The following PTPRN2 variants were observed in gnomAD, a reference collection of about 807,000 sequenced individuals.
PTPRN2 encodes receptor-type tyrosine-protein phosphatase N2.
Under a neutral mutation model 118.8 loss-of-function variants are expected in PTPRN2, and 74 were observed. That is an observed-to-expected ratio of 0.62 (90% CI 0.52 to 0.76). The LOEUF (loss-of-function observed/expected upper bound fraction) is 0.76. Ranked by LOEUF, PTPRN2 falls within the 30% of genes least tolerant of loss-of-function variation. PTPRN2 has a pLI of 0.00. For synonymous variants in PTPRN2, 641 were observed against 608.0 expected, an observed-to-expected ratio of 1.05 and a Z score of -0.80; for missense variants, 1,481 against 1,394.4, an observed-to-expected ratio of 1.06 and a Z score of -0.99.
intron 12 of PTPRN2, among the ~76,000 whole-genome samples, chr7:157,835,558 C>G (rs114087977): frequency 0.019 from 2,875 of 152,126 alleles, 79 homozygotes; most frequent in African/African-American, 0.064. Context: ...GGAGAGTTTG[C>G]AAGAAGAAGC....
At chr7:158,383,878 T>G (rs1286815750) in intron 2 of PTPRN2, among the ~76,000 whole-genome samples, 2 of 152,216 alleles carry the variant, frequency 1.3e-5, no homozygotes, top group African/African-American at 4.8e-5. Flanking sequence ...ATAACGTCAT[T>G]AGTATTTTAA....
chr7:158,292,150 G>C (rs1364074545), intron 3 of PTPRN2, among the ~76,000 whole-genome samples: 1 of 152,132 alleles, frequency 6.6e-6, no homozygotes, highest in African/African-American at 2.4e-5. Context: ...AGGGTTTTCT[G>C]TGCTGCCATC....
intron 2 of PTPRN2, among the ~76,000 whole-genome samples, chr7:158,389,172 GAGGC>G (rs1811733008): frequency 6.6e-6 from 1 of 152,258 alleles, no homozygotes; most frequent in South Asian, 2.1e-4. Context: ...CCCTCGGCAG[GAGGC>G]AGGTGCGGCC....
intron 12 of PTPRN2, among the ~76,000 whole-genome samples, chr7:157,745,516 C>G (rs1018706515): frequency 2.0e-5 from 3 of 151,240 alleles, no homozygotes; most frequent in Non-Finnish European, 3.0e-5. Context: ...GCAGGCTGCA[C>G]AATGCTGGGC....
intron 12 of PTPRN2, among the ~76,000 whole-genome samples, chr7:157,702,340 C>T (rs1016953215): frequency 6.6e-5 from 10 of 151,974 alleles, no homozygotes; most frequent in Admixed American, 3.3e-4. Context: ...AAAGCCCGGT[C>T]GGTGCTGGTG....
At chr7:157,815,462 G>A (rs997419617) in intron 12 of PTPRN2, among the ~76,000 whole-genome samples, 5 of 152,236 alleles carry the variant, frequency 3.3e-5, no homozygotes, top group Admixed American at 2.0e-4. Context: ...CACCGCTGCC[G>A]AGGTGGGAAA....
chr7:158,000,138 TG>T (rs1418575207), intron 11 of PTPRN2, among the ~76,000 whole-genome samples: 2 of 152,150 alleles, frequency 1.3e-5, no homozygotes, highest in Non-Finnish European at 2.9e-5. Context: ...CCACCCGCCT[TG>T]GCCTCCCGAA....
At chr7:158,230,633 G>C (rs1195881878) in intron 3 of PTPRN2, among the ~76,000 whole-genome samples, 1 of 151,130 alleles carries the variant, frequency 6.6e-6, no homozygotes, top group African/African-American at 2.4e-5. Flanking sequence ...TTTTTTATAA[G>C]TCTCATGGCA....
At chr7:158,324,454 C>T (rs1327190769) in intron 2 of PTPRN2, among the ~76,000 whole-genome samples, 1 of 151,862 alleles carries the variant, frequency 6.6e-6, no homozygotes, top group Non-Finnish European at 1.5e-5. Context: ...AAGTCCTCAC[C>T]CCTGGCAGTG....
intron 11 of PTPRN2, among the ~76,000 whole-genome samples, chr7:157,906,067 C>T (rs1006816176): frequency 3.9e-5 from 6 of 152,218 alleles, no homozygotes; most frequent in African/African-American, 1.4e-4. Context: ...GGACTCTGCC[C>T]CTGCCCTGAG....
chr7:158,492,133 G>A (rs759441908), intron 1 of PTPRN2, among the ~76,000 whole-genome samples: 16 of 152,226 alleles, frequency 1.1e-4, no homozygotes, highest in East Asian at 1.9e-4. Flanking sequence ...ACACAGAGGC[G>A]CACAGAGAAG....
intron 14 of PTPRN2, among the ~76,000 whole-genome samples, chr7:157,649,041 T>C (rs529158315): frequency 0.023 from 2,075 of 88,762 alleles, 70 homozygotes; most frequent in African/African-American, 0.074. Flanking sequence ...CTCGGTGGGT[T>C]GGACCCATCC....
intron 3 of PTPRN2, among the ~76,000 whole-genome samples, chr7:158,207,160 A>G (rs1267644571): frequency 7.2e-4 from 104 of 145,328 alleles, no homozygotes; most frequent in African/African-American, 2.5e-3. Flanking sequence ...ATGGCTGCAT[A>G]GTATTCCATG....
At chr7:157,790,039 GTGTGTGGTGTT>G (rs1275409445) in intron 12 of PTPRN2, among the ~76,000 whole-genome samples, 1 of 141,616 alleles carries the variant, frequency 7.1e-6, no homozygotes, top group Non-Finnish European at 1.5e-5. Context: ...TGGTGGGGGT[GTGTGTGGTGTT>G]TGTGTGGTGT....
At chr7:158,014,654 T>G (rs1029039259) in intron 11 of PTPRN2, among the ~76,000 whole-genome samples, 5 of 151,148 alleles carry the variant, frequency 3.3e-5, no homozygotes, top group Non-Finnish European at 7.4e-5. Context: ...CATCCATCAT[T>G]CATCATCCAT....
At chr7:158,519,716 T>C (rs542342343) in intron 1 of PTPRN2, among the ~76,000 whole-genome samples, 3 of 152,280 alleles carry the variant, frequency 2.0e-5, no homozygotes, top group Non-Finnish European at 4.4e-5. Flanking sequence ...CTGCTGATGC[T>C]GTTTCCCATC....
At chr7:158,294,914 C>A (rs564346794) in intron 3 of PTPRN2, among the ~76,000 whole-genome samples, 24 of 143,306 alleles carry the variant, frequency 1.7e-4, no homozygotes, top group Non-Finnish European at 2.4e-4. Flanking sequence ...CCAGACACTG[C>A]GCCACTTTCC....
At chr7:157,960,714 CA>C (rs1321355861) in intron 11 of PTPRN2, among the ~76,000 whole-genome samples, 1 of 151,964 alleles carries the variant, frequency 6.6e-6, no homozygotes, top group South Asian at 2.1e-4. Context: ...AAAACAAAAA[CA>C]AAAAAACATG....
intron 11 of PTPRN2, among the ~76,000 whole-genome samples, chr7:158,037,830 G>T (rs1465235727): frequency 5.3e-5 from 8 of 152,202 alleles, no homozygotes; most frequent in Non-Finnish European, 5.9e-5. Flanking sequence ...ATGGGGGAGG[G>T]TTGCAATTCA....
Sources: gnomAD v4.1 joint callset for allele counts (sites outside exome capture counted in the v4.1 genomes callset) on GRCh38, gnomAD v4.1.1 for gene constraint, MANE v1.5 for transcripts, NCBI Gene and HGNC (gene_info 2026-07-23, HGNC 2026-07-21) for gene names.